Variants in PPFIBP2 observed in about 807,000 individuals in gnomAD.
PPFIBP2 encodes the protein PPFIB scaffold protein 2, also known as liprin-beta-2.
Under a neutral mutation model 118.3 loss-of-function variants are expected in PPFIBP2, and 118 were observed. That is an observed-to-expected ratio of 1.00 (90% CI 0.86 to 1.16). The LOEUF is 1.16. PPFIBP2 is among the 50% of genes most tolerant of loss of function. The probability of loss-of-function intolerance (pLI) is 0.00; values close to 1 mark genes in which losing one functional copy is unlikely to be tolerated. For missense variants in PPFIBP2, 1,195 were observed against 1,073.1 expected (o/e 1.11, Z -1.59); for synonymous variants, 414 against 397.4 (o/e 1.04, Z -0.50).
intron 1 of PPFIBP2, among the ~76,000 whole-genome samples, chr11:7,520,301 G>T (rs1590093143): frequency 6.6e-6 from 1 of 152,122 alleles, no homozygotes; most frequent in South Asian, 2.1e-4. Context: ...TTGGTTTTCA[G>T]GGGGTACGTG....
At chr11:7,594,039 G>T (rs1194752720) in intron 4 of PPFIBP2, among the ~76,000 whole-genome samples, 2 of 152,190 alleles carry the variant, frequency 1.3e-5, no homozygotes, top group Non-Finnish European at 2.9e-5. Context: ...TAGACTGGTG[G>T]TAGAATGAAG....
chr11:7,531,329 A>T (rs1850659320), intron 1 of PPFIBP2, among the ~76,000 whole-genome samples: 1 of 152,164 alleles, frequency 6.6e-6, no homozygotes, highest in Non-Finnish European at 1.5e-5. Flanking sequence ...AGTTGAAGAT[A>T]GCTGGGCCCA....
chr11:7,645,210 T>C (rs1852881259), intron 17 of PPFIBP2, among the ~76,000 whole-genome samples: 1 of 152,002 alleles, frequency 6.6e-6, no homozygotes, highest in Non-Finnish European at 1.5e-5. Flanking sequence ...GGGATCCATG[T>C]AGTTTGGGTT....
intron 1 of PPFIBP2, among the ~76,000 whole-genome samples, chr11:7,534,555 C>T (rs1486327260): frequency 1.3e-5 from 2 of 152,114 alleles, no homozygotes; most frequent in Non-Finnish European, 2.9e-5. Context: ...AGGGTAGCTT[C>T]CCTTGAAGGG....
At chr11:7,666,375 A>T in the PPFIBP2 span, 1 of 932,484 alleles carries the variant, frequency 1.1e-6, no homozygotes, top group South Asian at 1.4e-5. Flanking sequence ...AACAAAACAA[A>T]GAGACAGAGA....
In PPFIBP2 at chr11:7,616,065, G is replaced by T. The variant is rs1848604416; in HGVS notation, c.619-4870G>T. 6.6e-6 allele frequency among the ~76,000 whole-genome samples: 1 copy of T among 152,194 alleles called. No homozygotes were observed. The highest frequency in any genetic ancestry group is 6.5e-5 in the Admixed American group (1 of 15,272). ...ATATGCTAAAGACAAAAGTGCACCT[G>T]CATGACCAGTGTCAGGAAGGGGACA... is the stretch of plus-strand genomic sequence containing the variant. On this transcript the variant is annotated intron_variant, in intron 6 of 23. Transcript: ENST00000299492. This position sits in a 1 kb window ranked among gnomAD's most constrained non-coding sequence, Gnocchi z 5.2.
chr11:7,642,997 TC>T (rs1852433914), intron 17 of PPFIBP2, among the ~76,000 whole-genome samples: 2 of 152,278 alleles, frequency 1.3e-5, no homozygotes, highest in East Asian at 3.9e-4. Flanking sequence ...CCTTTCCAGA[TC>T]CATTTATTCT....
chr11:7,582,128 G>A (rs778189575), intron 3 of PPFIBP2, among the ~76,000 whole-genome samples: 7 of 152,068 alleles, frequency 4.6e-5, no homozygotes, highest in Non-Finnish European at 8.8e-5. Context: ...GTGAGCCACC[G>A]TGCCCAGCCA....
intron 4 of PPFIBP2, among the ~76,000 whole-genome samples, chr11:7,595,292 G>A (rs1004468965): frequency 6.6e-6 from 1 of 152,210 alleles, no homozygotes; most frequent in Non-Finnish European, 1.5e-5. Context: ...TGAGGGATGT[G>A]TAATTTGAAA....
intron 3 of PPFIBP2, among the ~76,000 whole-genome samples, chr11:7,568,427 T>C (rs77525000): frequency 0.01 from 1,587 of 152,324 alleles, 51 homozygotes; most frequent in African/African-American, 0.037. Flanking sequence ...TACAACTGTG[T>C]GCAGAGGTAG....
intron 6 of PPFIBP2, among the ~76,000 whole-genome samples, chr11:7,615,947 A>G (rs571448693): frequency 1.4e-4 from 22 of 152,332 alleles, no homozygotes; most frequent in Non-Finnish European, 2.6e-4. Flanking sequence ...TGACTGTGCA[A>G]TCTCACAGAT....
chr11:7,570,715 G>A (rs1456572900), intron 3 of PPFIBP2, among the ~76,000 whole-genome samples: 1 of 152,112 alleles, frequency 6.6e-6, no homozygotes, highest in Non-Finnish European at 1.5e-5. Flanking sequence ...TGCTTGAGCA[G>A]GTGAAAGCAG....
intron 5 of PPFIBP2, among the ~76,000 whole-genome samples, chr11:7,601,342 A>G (rs1329747184): frequency 2.0e-5 from 3 of 152,140 alleles, no homozygotes; most frequent in African/African-American, 7.2e-5. Context: ...AACCAACCAG[A>G]GCCAGCAAAG....
At chr11:7,640,629 C>A (rs947678940) in intron 15 of PPFIBP2, among the ~76,000 whole-genome samples, 1 of 152,184 alleles carries the variant, frequency 6.6e-6, no homozygotes, top group Admixed American at 6.5e-5. Context: ...TTCAGATAAA[C>A]CCTTGAATGA....
chr11:7,542,078 A>T (rs1240191216), intron 1 of PPFIBP2, among the ~76,000 whole-genome samples: 1 of 152,182 alleles, frequency 6.6e-6, no homozygotes, highest in Non-Finnish European at 1.5e-5. Context: ...TAATCCTTTT[A>T]AAAGGTTAAG....
chr11:7,584,560 T>G (rs1428506684), intron 3 of PPFIBP2, among the ~76,000 whole-genome samples: 2 of 152,184 alleles, frequency 1.3e-5, no homozygotes, highest in Non-Finnish European at 2.9e-5. Context: ...GTCCTGGGAA[T>G]ACTCAGGTTT....
intron 17 of PPFIBP2, among the ~76,000 whole-genome samples, chr11:7,644,618 G>T (rs1359044342): frequency 2.6e-5 from 4 of 152,154 alleles, no homozygotes; most frequent in African/African-American, 4.8e-5. Flanking sequence ...GATTCATCAT[G>T]AATGTAAAGA....
At chr11:7,566,753 G>A (rs561469184) in intron 3 of PPFIBP2, among the ~76,000 whole-genome samples, 154 of 152,214 alleles carry the variant, frequency 1.0e-3, no homozygotes, top group Non-Finnish European at 1.8e-3. Flanking sequence ...TGGGGTACAT[G>A]TGAAATTTCC....
chr11:7,617,253 C>T, intron 6 of PPFIBP2: 1 of 985,434 alleles, frequency 1.0e-6, no homozygotes, highest in Non-Finnish European at 1.2e-6. Flanking sequence ...GGCCGAGCCC[C>T]AGCCCTGCAG....
Sources: gnomAD v4.1 joint callset for allele counts (sites outside exome capture counted in the v4.1 genomes callset) on GRCh38, gnomAD v4.1.1 for gene constraint, Gnocchi (gnomAD v3.1) non-coding constraint, MANE v1.5 for transcripts, NCBI Gene and HGNC (gene_info 2026-07-23, HGNC 2026-07-21) for gene names.